Variants in CCNB3 observed in about 807,000 individuals in gnomAD.
CCNB3 encodes the protein cyclin B3.
Under a neutral mutation model 68.0 loss-of-function variants are expected in CCNB3, and 12 were observed. The observed-to-expected ratio is 0.18, with a 90% CI of 0.11 to 0.29. The LOEUF is 0.29. Among genes scored for constraint, CCNB3 ranks in the 10% least tolerant of loss-of-function variants. CCNB3 has a pLI of 1.00. For missense variants in CCNB3, 904 were observed against 993.1 expected (o/e 0.91, Z 1.21); for synonymous variants, 354 against 388.9 (o/e 0.91, Z 1.06).
At chrX:50,321,959 C>G (rs1249340846) in intron 8 of CCNB3, among the ~76,000 whole-genome samples, 1 of 109,820 alleles carries the variant, frequency 9.1e-6, no homozygotes, top group African/African-American at 3.3e-5. Flanking sequence ...GTCTCACTAA[C>G]TTAAAAATGT....
chrX:50,351,131 A>G, intron 11 of CCNB3, 110 bp from the exon 12 acceptor site: 3 of 853,631 alleles, frequency 3.5e-6, no homozygotes, highest in Non-Finnish European at 5.0e-6. Flanking sequence ...AATGTTTTGA[A>G]TGTCATCTCT....
chrX:50,209,162 T>C (rs782806569), intron 1 of CCNB3, among the ~76,000 whole-genome samples: 1 of 111,846 alleles, frequency 8.9e-6, no homozygotes, highest in South Asian at 3.8e-4. Context: ...ATTTAACGTG[T>C]ACAGTTTGAC....
intron 5 of CCNB3, among the ~76,000 whole-genome samples, chrX:50,297,648 T>C (rs1416049726): frequency 1.8e-5 from 2 of 111,963 alleles, no homozygotes; most frequent in Non-Finnish European, 3.8e-5. Context: ...TTAAAGTAGT[T>C]TTTTTCCAAT....
intron 1 of CCNB3, among the ~76,000 whole-genome samples, chrX:50,227,480 T>G (rs1391093910): frequency 4.8e-5 from 4 of 82,605 alleles, no homozygotes; most frequent in Non-Finnish European, 8.9e-5. Flanking sequence ...TAAATATATA[T>G]AGACAGAATA....
intron 8 of CCNB3, among the ~76,000 whole-genome samples, chrX:50,341,371 A>G (rs782328820): frequency 6.0e-4 from 65 of 107,522 alleles, no homozygotes; most frequent in African/African-American, 2.0e-3. Flanking sequence ...AAATAAATAA[A>G]TAAGTAAAAA....
chrX:50,334,979 G>T (rs782784448), intron 8 of CCNB3, among the ~76,000 whole-genome samples: 1 of 112,045 alleles, frequency 8.9e-6, no homozygotes, highest in Non-Finnish European at 1.9e-5. Flanking sequence ...TGTACCTGCT[G>T]TCTGCAGATC....
intron 8 of CCNB3, among the ~76,000 whole-genome samples, chrX:50,334,776 C>T (rs1357955857): frequency 3.6e-5 from 4 of 112,372 alleles, no homozygotes; most frequent in Non-Finnish European, 5.6e-5. Flanking sequence ...GGCTCCCAGT[C>T]GCCTCCTCTG....
intron 1 of CCNB3, among the ~76,000 whole-genome samples, chrX:50,282,477 G>C (rs1027300120): frequency 8.9e-6 from 1 of 111,858 alleles, no homozygotes; most frequent in Non-Finnish European, 1.9e-5. Context: ...GAGGTCCAGT[G>C]GAGTCTGCAA....
rs1557214734 is a variant in CCNB3, at chrX:50,310,825, A to G, written c.2656A>G (p.Thr886Ala). The change falls in exon 6 of 13, where the codon ACT (threonine) becomes GCT (alanine). Residue 886 changes from threonine (T) to alanine (A), a missense_variant. Around this residue, in one of 2 missense-constraint regions of CCNB3, gnomAD observed 285 missense variants for 383.4 expected, o/e 0.74. Transcript: ENST00000376042. ...RHSALWEKPSTEKETIFKESL... is the reference protein window; with the variant it reads ...RHSALWEKPSAEKETIFKESL... Reference sequence around the variant, plus strand: ...CTCAGCTTTGTGGGAGAAGCCCAGCACTGAGAAGGAGACCATCTTCAAGGA... The same window carrying G: ...CTCAGCTTTGTGGGAGAAGCCCAGCGCTGAGAAGGAGACCATCTTCAAGGA... The G allele has an allele frequency of 8.3e-7, 1 of 1,210,355 alleles. No individual in the cohort carries two copies. Among genetic ancestry groups the G allele is most frequent in the African/African-American group, 1.7e-5 (1 of 57,292 alleles).
intron 1 of CCNB3, among the ~76,000 whole-genome samples, chrX:50,227,403 T>C (rs1160494357): frequency 3.5e-5 from 3 of 86,644 alleles, no homozygotes; most frequent in East Asian, 6.6e-4. Context: ...TATATAAAAA[T>C]ATATACAGAG....
intron 8 of CCNB3, among the ~76,000 whole-genome samples, chrX:50,315,400 A>G (rs2147068898): frequency 8.9e-6 from 1 of 112,048 alleles, no homozygotes; most frequent in Non-Finnish European, 1.9e-5. Flanking sequence ...CTTTTTGGAT[A>G]TAAAGTTCCA....
At chrX:50,204,028 G>A (rs1404265096), upstream of CCNB3, among the ~76,000 whole-genome samples, 1 of 111,549 alleles carries the variant, frequency 9.0e-6, no homozygotes, top group Non-Finnish European at 1.9e-5. Flanking sequence ...GCCTTGTAGA[G>A]TTAATTACCT....
chrX:50,328,499 G>A (rs1163057225), intron 8 of CCNB3, among the ~76,000 whole-genome samples: 1 of 111,268 alleles, frequency 9.0e-6, no homozygotes, highest in African/African-American at 3.3e-5. Flanking sequence ...ACTATGATGA[G>A]GACAGCACCA....
In CCNB3 at chrX:50,331,672, C is replaced by T. The variant is rs1038539918; in HGVS notation, c.3517-10530C>T. Among the ~76,000 whole-genome samples, 6 of 111,487 alleles carry T rather than the reference C, an allele frequency of 5.4e-5. No individual in the cohort carries two copies. In the Admixed American group the frequency reaches 5.7e-4, roughly 11 times the overall value. On this transcript the variant is annotated intron_variant, in intron 8 of 12. Transcript: ENST00000376042. ...ACATTGAGAGACTGGGCTACATGCT[C>T]GGCTAATTGCAAAAACAAATTTCTT...
At chrX:50,351,181 G>A in intron 11 of CCNB3, 60 bp from the exon 12 acceptor site, 1 of 1,178,835 alleles carries the variant, frequency 8.5e-7, no homozygotes, top group East Asian at 3.0e-5. Context: ...TGGGATAGCA[G>A]AGATGGAGGA....
At chrX:50,300,263 G>A (rs1317986221) in intron 5 of CCNB3, among the ~76,000 whole-genome samples, 1 of 111,466 alleles carries the variant, frequency 9.0e-6, no homozygotes, top group Admixed American at 9.6e-5. Flanking sequence ...TTTTTGCAGT[G>A]GCTGGTACCG....
chrX:50,307,063 G>A (rs1921114129), intron 5 of CCNB3, among the ~76,000 whole-genome samples: 2 of 111,561 alleles, frequency 1.8e-5, no homozygotes, highest in African/African-American at 6.5e-5. Context: ...TGTTTGGATG[G>A]AATTGAAGCC....
rs1371750293 is a variant in CCNB3, at chrX:50,322,041, GT to G, written c.3516+8105del. On this transcript the variant is annotated intron_variant, in intron 8 of 12. Transcript: ENST00000376042. ...TTTTCCCTTTTAAAATTTATTGCTA[GT>G]TTTTTTTTTTTGGTTCCATATGAAC... Among the ~76,000 whole-genome samples the G allele has an allele frequency of 8.2e-3, 786 of 95,850 alleles. 3 individuals are homozygous for G. Among genetic ancestry groups the G allele is most frequent in the African/African-American group, 0.026 (696 of 26,341 alleles). 83.2% of individuals were successfully genotyped at this position (95,850 alleles called of 115,157 possible). A position where few individuals can be genotyped will look rare whatever the true frequency, so the allele number is the denominator to read the frequency against.
chrX:50,209,665 A>G (rs1454422605), intron 1 of CCNB3, among the ~76,000 whole-genome samples: 2 of 111,908 alleles, frequency 1.8e-5, no homozygotes, highest in Non-Finnish European at 3.8e-5. Flanking sequence ...CCAATACTAT[A>G]TTGTTAACTA....
Sources: allele counts gnomAD v4.1 joint callset (sites outside exome capture counted in the v4.1 genomes callset), GRCh38; gene constraint gnomAD v4.1.1; regional missense constraint gnomAD v4.1.1; transcripts MANE v1.5; gene names NCBI Gene and HGNC (gene_info 2026-07-23, HGNC 2026-07-21).